Variants in MROH9 observed in about 807,000 individuals in gnomAD.
MROH9 encodes the protein maestro heat-like repeat-containing protein family member 9.
In MROH9, 92 loss-of-function variants were observed where a neutral mutation model predicts 98.2. The observed-to-expected ratio is 0.94, with a 90% CI of 0.79 to 1.11. The LOEUF (loss-of-function observed/expected upper bound fraction) is 1.11, where lower values mean the gene tolerates loss of function less well. Ranked by LOEUF, MROH9 falls within the 50% of genes most tolerant of loss-of-function variation. MROH9 has a pLI of 0.00. For missense variants in MROH9, 1,057 were observed against 1,014.8 expected, an observed-to-expected ratio of 1.04 and a Z score of -0.57; for synonymous variants, 397 against 368.9, an observed-to-expected ratio of 1.08 and a Z score of -0.87.
chr1:170,948,841 C>T (rs1199026587), intron 3 of MROH9, among the ~76,000 whole-genome samples: 1 of 151,992 alleles, frequency 6.6e-6, no homozygotes, highest in Non-Finnish European at 1.5e-5. Context: ...GAAGAGGAAA[C>T]AGCACCTGTA....
At chr1:170,967,411 T>C (rs756120937) in intron 7 of MROH9, among the ~76,000 whole-genome samples, 8 of 152,128 alleles carry the variant, frequency 5.3e-5, no homozygotes, top group Non-Finnish European at 1.2e-4. Flanking sequence ...GAGGCAAATA[T>C]ACAAAACAAA....
At chr1:171,012,499 ATT>A (rs372676922) in intron 15 of MROH9, among the ~76,000 whole-genome samples, 244 of 114,190 alleles carry the variant, frequency 2.1e-3, no homozygotes, top group African/African-American at 6.2e-3. Flanking sequence ...TAAAACTGTC[ATT>A]TTTTTTTTTT....
rs114033547 is a variant in MROH9 at position 170,994,765 on chromosome 1, G to A, written c.1195-624G>A. 4.5e-3 allele frequency among the ~76,000 whole-genome samples: 686 copies of A among 151,848 alleles called. 5 individuals are homozygous for A. The highest frequency in any genetic ancestry group is 0.016 in the African/African-American group (663 of 41,420). ...ATCCCACTACCCTTTCCCAGCCTCT[G>A]GTAACCAATAAATCTCATTTTTAAG... On this transcript the variant is annotated intron_variant, in intron 12 of 21. Coordinates refer to ENST00000367759, the MANE Select transcript of MROH9 (RefSeq NM_001163629.2).
chr1:170,937,552 C>T (rs1198247542), intron 1 of MROH9, among the ~76,000 whole-genome samples: 4 of 131,386 alleles, frequency 3.0e-5, no homozygotes, highest in Non-Finnish European at 3.1e-5. Flanking sequence ...GACGGAGTCT[C>T]GCTCTGTCGC....
chr1:170,958,972 A>G (rs1363685280), intron 4 of MROH9, among the ~76,000 whole-genome samples: 2 of 152,236 alleles, frequency 1.3e-5, no homozygotes, highest in South Asian at 2.1e-4. Flanking sequence ...TAATATTTGC[A>G]AAGAAATTAA....
intron 15 of MROH9, among the ~76,000 whole-genome samples, chr1:171,009,727 T>C (rs1652084190): frequency 6.6e-6 from 1 of 152,204 alleles, no homozygotes; most frequent in Non-Finnish European, 1.5e-5. Context: ...GGTTTCTAAG[T>C]GCTATTACTT....
intron 20 of MROH9, among the ~76,000 whole-genome samples, chr1:171,039,862 A>G (rs1356125871): frequency 6.6e-6 from 1 of 152,140 alleles, no homozygotes; most frequent in Non-Finnish European, 1.5e-5. Flanking sequence ...TGCTAAGCCC[A>G]TGCTCCACCT....
chr1:170,937,800 G>A (rs1174220028), intron 1 of MROH9, among the ~76,000 whole-genome samples: 1 of 152,114 alleles, frequency 6.6e-6, no homozygotes, highest in African/African-American at 2.4e-5. Context: ...TGGGATTACA[G>A]GCGTGAGCCA....
intron 5 of MROH9, 130 bp downstream of exon 5, chr1:170,959,727 C>T: frequency 1.3e-6 from 1 of 765,132 alleles, no homozygotes; most frequent in Non-Finnish European, 2.0e-6. Context: ...ACAGTCAGGG[C>T]ACTAATCTAT....
intron 5 of MROH9, among the ~76,000 whole-genome samples, chr1:170,961,677 CTTTGT>C: frequency 6.6e-6 from 1 of 151,894 alleles, no homozygotes; most frequent in South Asian, 2.1e-4. Flanking sequence ...TTGTCTTTTT[CTTTGT>C]ATATTTTTTA....
intron 12 of MROH9, 130 bp downstream of exon 12, chr1:170,992,459 A>G (rs941166791): frequency 1.1e-5 from 10 of 926,420 alleles, no homozygotes; most frequent in South Asian, 9.0e-5. Flanking sequence ...CATGCAACAC[A>G]TATTTATTGA....
intron 20 of MROH9, among the ~76,000 whole-genome samples, chr1:171,044,862 T>G (rs1224922398): frequency 6.6e-6 from 1 of 151,780 alleles, no homozygotes; most frequent in Non-Finnish European, 1.5e-5. Context: ...TTTCTTAGTC[T>G]GGCTAAAGGT....
chr1:170,998,251 A>G lies in MROH9; in HGVS notation c.1573A>G (p.Ile525Val). The change falls in exon 15 of 22, where the codon ATC becomes GTC. Residue 525 changes from isoleucine to valine, a missense_variant. Physicochemically the swap from Ile to Val is conservative, Grantham distance 29 (BLOSUM62 3). Coordinates refer to ENST00000367759, the MANE Select transcript of MROH9 (RefSeq NM_001163629.2). ...EGPRRSEDTVIVLIFLTELLN... is the reference protein window; with the variant it reads ...EGPRRSEDTVVVLIFLTELLN... Reference sequence around the variant, plus strand: ...TCCTAGAAGGTCAGAAGACACTGTCATCGTATTAATATTCCTCACTGAAGT... The same window carrying G: ...TCCTAGAAGGTCAGAAGACACTGTCGTCGTATTAATATTCCTCACTGAAGT... 1.2e-6 allele frequency: 2 copies of G among 1,613,516 alleles called. No individual in the cohort carries two copies. Among genetic ancestry groups the G allele is most frequent in the Non-Finnish European group, 1.7e-6 (2 of 1,179,632 alleles).
At chr1:170,993,009 C>G (rs1376309202) in intron 12 of MROH9, among the ~76,000 whole-genome samples, 1 of 152,160 alleles carries the variant, frequency 6.6e-6, no homozygotes, top group Non-Finnish European at 1.5e-5. Context: ...CATTGCTTCA[C>G]AAATGTGAAA....
intron 1 of MROH9, among the ~76,000 whole-genome samples, chr1:170,936,245 G>A (rs1312101906): frequency 6.6e-6 from 1 of 152,112 alleles, no homozygotes; most frequent in African/African-American, 2.4e-5. Flanking sequence ...CTTTCTGCAA[G>A]ACAGAGACCC....
At position 170,965,268 on chromosome 1, in the gene MROH9, A is replaced by C; in HGVS notation, c.480+13A>C. 2 of 1,531,364 alleles carry C rather than the reference A, an allele frequency of 1.3e-6. No homozygotes were observed. The highest frequency in any genetic ancestry group is 1.8e-6 in the Non-Finnish European group (2 of 1,105,714). The allele number at this position is 1,531,364 out of a possible 1,614,324, so 94.9% of individuals were successfully genotyped here. ...AGTCAGAAAATACGTAAGTCACAGA[A>C]TATAACAATGCCACCTGATTCTGAA... is the stretch of plus-strand genomic sequence containing the variant. On this transcript the variant is annotated intron_variant, in intron 7 of 21. Transcript: ENST00000367759.
At chr1:170,970,514 A>T (rs1650400670) in intron 7 of MROH9, among the ~76,000 whole-genome samples, 1 of 152,102 alleles carries the variant, frequency 6.6e-6, no homozygotes, top group African/African-American at 2.4e-5. Context: ...GAGCTCCTAT[A>T]AGGGGAAGGA....
In MROH9 at chr1:170,995,450, A is replaced by G; in HGVS notation, c.1256A>G (p.Tyr419Cys). ...LGSYRKAVAQ[Y>C]FPQLLTTLMF... The stretch of plus-strand genomic sequence containing the variant: ...TCCTACAGGAAAGCGGTGGCCCAGT[A>G]TTTCCCCCAGCTCTTGACGACTCTT... The change falls in exon 13 of 22, where the codon TAT becomes TGT. Residue 419 changes from tyrosine to cysteine, a missense_variant. Transcript: ENST00000367759. 2 of 1,613,324 alleles carry G rather than the reference A, an allele frequency of 1.2e-6. No homozygotes were observed. The highest frequency in any genetic ancestry group is 8.5e-7 in the Non-Finnish European group (1 of 1,179,546).
chr1:171,010,515 C>T (rs1270420622), intron 15 of MROH9, among the ~76,000 whole-genome samples: 1 of 152,124 alleles, frequency 6.6e-6, no homozygotes, highest in Non-Finnish European at 1.5e-5. Flanking sequence ...TCACCACAGT[C>T]TTCCACAATG....
Sources: gnomAD v4.1 joint callset for allele counts (sites outside exome capture counted in the v4.1 genomes callset) on GRCh38, gnomAD v4.1.1 for gene constraint, MANE v1.5 for transcripts, NCBI Gene and HGNC (gene_info 2026-07-23, HGNC 2026-07-21) for gene names.